EIF2S3B: variants seen among roughly 807,000 people sequenced by gnomAD.
The protein encoded by EIF2S3B is eukaryotic translation initiation factor 2 subunit gamma B, also known as eukaryotic translation initiation factor 2 subunit 3B.
EIF2S3B carries 16 observed loss-of-function variants against 26.4 expected under a neutral mutation model. The observed-to-expected ratio is 0.61, with a 90% confidence interval of 0.41 to 0.92. EIF2S3B has a LOEUF of 0.92. Ranked by LOEUF, EIF2S3B falls within the 40% of genes least tolerant of loss-of-function variation. The pLI is 0.00. For synonymous variants in EIF2S3B, 183 were observed against 204.4 expected (o/e 0.90, Z 0.89); for missense variants, 510 against 575.5 (o/e 0.89, Z 1.16).
In EIF2S3B at chr12:10,506,019, A is replaced by G. The variant is rs1864622260; in HGVS notation, c.117A>G (p.Gln39=). Residue 39 remains glutamine, a synonymous_variant, in exon 1 of 1, where the codon CAA becomes CAG. Coordinates refer to ENST00000538173, the MANE Select transcript of EIF2S3B (RefSeq NM_001357734.3). ...TPLSHEVISR[Q]ATINIGTIGH... is the part of the protein sequence containing the mutation. Reference sequence around the variant, plus strand: ...TTTCACACGAAGTTATCAGCAGACAAGCCACAATTAATATAGGTACAATTG... The same window carrying G: ...TTTCACACGAAGTTATCAGCAGACAGGCCACAATTAATATAGGTACAATTG... The G allele has an allele frequency of 6.2e-7, 1 of 1,605,696 alleles. No homozygotes were observed. Among genetic ancestry groups the G allele is most frequent in the African/African-American group, 1.3e-5 (1 of 74,774 alleles).
chr12:10,506,237 A>AG lies in EIF2S3B; in HGVS notation c.336dup (p.Phe113ValfsTer22). 1.2e-6 allele frequency: 2 copies of AG among 1,602,916 alleles called. No homozygotes were observed. The highest frequency in any genetic ancestry group is 1.7e-6 in the Non-Finnish European group (2 of 1,169,806). ...TCTTGTGGGAGCAGTATGCCTGATG[A>AG]GTTTCCTACAGACATTCCAGGAACC... On this transcript the variant is annotated frameshift_variant, in exon 1 of 1. Transcript: ENST00000538173. LOFTEE classifies it high-confidence loss of function.
At chr12:10,508,817 T>C (rs1864675409), downstream of EIF2S3B, among the ~76,000 whole-genome samples, 1 of 152,070 alleles carries the variant, frequency 6.6e-6, no homozygotes. Context: ...AAAAAATTCT[T>C]CATATACAGG....
At chr12:10,514,269 A>T (rs1057427606) in intron 1 of EIF2S3B, among the ~76,000 whole-genome samples, 6 of 151,266 alleles carry the variant, frequency 4.0e-5, no homozygotes, top group Non-Finnish European at 1.5e-5. Context: ...CTATTTACTC[A>T]TATTTTATTT....
rs1864650598 is a variant in EIF2S3B at position 10,507,441 on chromosome 12, T to C, written c.*120T>C. ...TTGATTTCACAGTTTGTTACCTTAG[T>C]AGGTAACGGTAAGGTTATTCTCTCT... is the stretch of plus-strand genomic sequence containing the variant. On this transcript the variant is annotated 3_prime_UTR_variant, in exon 1 of 1. Coordinates refer to ENST00000538173, the MANE Select transcript of EIF2S3B (RefSeq NM_001357734.3). 9 of 1,148,016 alleles carry C rather than the reference T, an allele frequency of 7.8e-6. No individual in the cohort carries two copies. The highest frequency in any genetic ancestry group is 1.0e-5 in the Non-Finnish European group (8 of 786,492). 71.1% of individuals were successfully genotyped at this position (1,148,016 alleles called of 1,614,324 possible). A position where few individuals can be genotyped will look rare whatever the true frequency, so the allele number is the denominator to read the frequency against.
downstream of EIF2S3B, among the ~76,000 whole-genome samples, chr12:10,510,628 A>C (rs1171581678): frequency 6.6e-6 from 1 of 152,216 alleles, no homozygotes; most frequent in African/African-American, 2.4e-5. Context: ...TGCTTACTTC[A>C]GAATGAATTA....
chr12:10,507,051 T>A lies in EIF2S3B; in HGVS notation c.1149T>A (p.Gly383=). The part of the protein sequence containing the change: ...ISYFLLRRLL[G]VRTEGDKKAA... ...ATTTCCTGCTTAGACGGCTTCTAGGTGTACGCACTGAAGGAGACAAGAAAG... is the reference window on the plus strand; with the variant it reads ...ATTTCCTGCTTAGACGGCTTCTAGGAGTACGCACTGAAGGAGACAAGAAAG... Residue 383 remains glycine, a synonymous_variant, in exon 1 of 1, where the codon GGT becomes GGA. Coordinates refer to ENST00000538173, the MANE Select transcript of EIF2S3B (RefSeq NM_001357734.3). 1 of 1,613,730 alleles carries A rather than the reference T, an allele frequency of 6.2e-7. No homozygotes were observed. Among genetic ancestry groups the A allele is most frequent in the Non-Finnish European group, 8.5e-7 (1 of 1,179,686 alleles).
intron 1 of EIF2S3B, among the ~76,000 whole-genome samples, chr12:10,519,590 A>C (rs1194098951): frequency 1.3e-5 from 2 of 152,184 alleles, no homozygotes; most frequent in Middle Eastern, 3.2e-3. Flanking sequence ...AAATGGGAGA[A>C]AATTTTTGCA....
At chr12:10,516,360 C>T (rs977752633) in intron 1 of EIF2S3B, among the ~76,000 whole-genome samples, 8 of 152,016 alleles carry the variant, frequency 5.3e-5, no homozygotes, top group African/African-American at 1.2e-4. Context: ...CCCAGGGTTA[C>T]TGCAACAGTA....
At chr12:10,519,163 A>G (rs1440400097) in intron 1 of EIF2S3B, among the ~76,000 whole-genome samples, 1 of 152,176 alleles carries the variant, frequency 6.6e-6, no homozygotes, top group African/African-American at 2.4e-5. Context: ...AAACAGCGAT[A>G]TAGATCAATG....
chr12:10,512,869 CAG>C (rs1016479324), downstream of EIF2S3B, among the ~76,000 whole-genome samples: 2 of 152,260 alleles, frequency 1.3e-5, no homozygotes, highest in Admixed American at 6.5e-5. Flanking sequence ...CTCTTTAAAA[CAG>C]AGTTGTCTCT....
intron 1 of EIF2S3B, among the ~76,000 whole-genome samples, chr12:10,520,810 A>T (rs535525431): frequency 6.6e-6 from 1 of 152,172 alleles, no homozygotes; most frequent in Non-Finnish European, 1.5e-5. Context: ...AACATTCATC[A>T]TGAAGGAATG....
Position 10,507,203 on chromosome 12 carries a change from G to A in EIF2S3B, c.1301G>A (p.Cys434Tyr). ...AAAATTGTTTTGACCAATCCAGTGT[G>A]CACAGAGGTAGGAGAAAAAATTGCC... Reference protein sequence around the residue: ...LGKIVLTNPVCTEVGEKIALS... With the variant: ...LGKIVLTNPVYTEVGEKIALS... Residue 434 changes from cysteine to tyrosine, a missense_variant, in exon 1 of 1, where the codon TGC becomes TAC. Cys to Tyr is a radical substitution (Grantham distance 194). Transcript: ENST00000538173. 1 of 1,613,936 alleles carries A rather than the reference G, an allele frequency of 6.2e-7. No individual in the cohort carries two copies.
Position 10,506,509 on chromosome 12 carries a change from C to G in EIF2S3B, c.607C>G (p.Gln203Glu), listed in dbSNP as rs780401457. 2 of 1,598,716 alleles carry G rather than the reference C, an allele frequency of 1.3e-6. No individual in the cohort carries two copies. Among genetic ancestry groups the G allele is most frequent in the Admixed American group, 3.3e-5 (2 of 59,992 alleles). ...GGTAAAAGAAAGGCAGGCTAAAGAA[C>G]AATACGAGCAGATCCTTGCGTTTGT... ...DLVKERQAKE[Q>E]YEQILAFVQG... Residue 203 changes from glutamine (Q) to glutamate (E), a missense_variant, in exon 1 of 1, where the codon CAA becomes GAA. By Grantham distance (29) the Gln-to-Glu change is conservative. Transcript: ENST00000538173.
chr12:10,512,076 A>G (rs948936946), downstream of EIF2S3B, among the ~76,000 whole-genome samples: 2 of 152,200 alleles, frequency 1.3e-5, no homozygotes, highest in African/African-American at 4.8e-5. Flanking sequence ...TCCAATATCT[A>G]TATTCTAGAC....
Position 10,507,023 on chromosome 12 carries a change from C to T in EIF2S3B, c.1121C>T (p.Ser374Phe). 6.2e-7 allele frequency: 1 copy of T among 1,613,702 alleles called. No individual in the cohort carries two copies. Among genetic ancestry groups the T allele is most frequent in the South Asian group, 1.1e-5 (1 of 91,052 alleles). Reference sequence around the variant, plus strand: ...GAGATATTCACAGAATTGGAAATTTCCTATTTCCTGCTTAGACGGCTTCTA... The same window carrying T: ...GAGATATTCACAGAATTGGAAATTTTCTATTTCCTGCTTAGACGGCTTCTA... The part of the protein sequence containing the change: ...LPEIFTELEI[S>F]YFLLRRLLGV... The change falls in exon 1 of 1, where the codon TCC (serine) becomes TTC (phenylalanine). Residue 374 changes from serine to phenylalanine, a missense_variant. Coordinates refer to ENST00000538173, the MANE Select transcript of EIF2S3B (RefSeq NM_001357734.3).
chr12:10,512,431 A>G (rs1287571599), downstream of EIF2S3B, among the ~76,000 whole-genome samples: 1 of 152,062 alleles, frequency 6.6e-6, no homozygotes, highest in South Asian at 2.1e-4. Flanking sequence ...ACAGTATACA[A>G]CCTACTTATT....
downstream of EIF2S3B, among the ~76,000 whole-genome samples, chr12:10,510,331 T>C (rs770268561): frequency 5.3e-5 from 8 of 152,142 alleles, no homozygotes; most frequent in Non-Finnish European, 8.8e-5. Flanking sequence ...ACAATTATCC[T>C]AACTCAGGAC....
rs1864631465 is a variant in EIF2S3B at position 10,506,445 on chromosome 12, A to T, written c.543A>T (p.Lys181Asn). The T allele has an allele frequency of 6.2e-7, 1 of 1,613,270 alleles. No homozygotes were observed. The highest frequency in any genetic ancestry group is 8.5e-7 in the Non-Finnish European group (1 of 1,179,152). Reference sequence around the variant, plus strand: ...ACCTGGCTGCTATAGAGATCATGAAACTGAAGCATATTTTGATTCTACAAA... The same window carrying T: ...ACCTGGCTGCTATAGAGATCATGAATCTGAAGCATATTTTGATTCTACAAA... ...SEHLAAIEIM[K>N]LKHILILQNK... Residue 181 changes from lysine to asparagine, a missense_variant, in exon 1 of 1, where the codon AAA (lysine) becomes AAT (asparagine). Coordinates refer to ENST00000538173, the MANE Select transcript of EIF2S3B (RefSeq NM_001357734.3).
Position 10,515,671 on chromosome 12 carries a change from C to G in EIF2S3B, c.1309-6932C>G, listed in dbSNP as rs114991724. ...AAATTTATTCTCTTTGTGATTTAAG[C>G]AGTATTTCAGTAAGATAAAAATGTA... On this transcript the variant is annotated intron_variant, in intron 1 of 1. Transcript: ENST00000322446. Among the ~76,000 whole-genome samples, 618 of 151,962 alleles carry G rather than the reference C, an allele frequency of 4.1e-3. 7 individuals are homozygous for G. The highest frequency in any genetic ancestry group is 0.014 in the African/African-American group (585 of 41,512).
Sources: allele counts gnomAD v4.1 joint callset (sites outside exome capture counted in the v4.1 genomes callset), GRCh38; gene constraint gnomAD v4.1.1; transcripts MANE v1.5; gene names NCBI Gene and HGNC (gene_info 2026-07-23, HGNC 2026-07-21).